Variants in ZBTB20 observed in about 807,000 individuals in gnomAD.
ZBTB20 encodes zinc finger and BTB domain-containing protein 20.
A neutral mutation model predicts 56.9 loss-of-function variants in ZBTB20; 9 were observed. That is an observed-to-expected ratio of 0.16 (90% confidence interval 0.10 to 0.28). The LOEUF (loss-of-function observed/expected upper bound fraction) is 0.28. Among genes scored for constraint, ZBTB20 ranks in the 10% least tolerant of loss-of-function variants. The pLI, the probability that ZBTB20 is intolerant of heterozygous loss-of-function variation, is 1.00. For synonymous variants in ZBTB20, 417 were observed against 420.7 expected (o/e 0.99, Z 0.11); for missense variants, 655 against 1,003.0 (o/e 0.65, Z 4.69).
chr3:115,018,038 T>G (rs1055379596), intron 2 of ZBTB20, among the ~76,000 whole-genome samples: 4 of 151,528 alleles, frequency 2.6e-5, no homozygotes, highest in Admixed American at 6.6e-5. Flanking sequence ...TTTGTTGTTG[T>G]TTTTTTAATC....
chr3:115,032,782 G>T (rs185933026), intron 2 of ZBTB20, among the ~76,000 whole-genome samples: 2 of 150,886 alleles, frequency 1.3e-5, no homozygotes, highest in East Asian at 1.9e-4. Flanking sequence ...GATCAAAAAA[G>T]AAATCACAAG....
chr3:114,993,601 T>A lies in ZBTB20; in HGVS notation c.-506-19185A>T, dbSNP rs555293806. Reference sequence around the variant, plus strand: ...AATGGAATAAAATAAGAAATTAAGATGAAAAGATAGATTAAAAAGCCCTAT... The same window carrying A: ...AATGGAATAAAATAAGAAATTAAGAAGAAAAGATAGATTAAAAAGCCCTAT... On this transcript the variant is annotated intron_variant, in intron 2 of 11. Transcript: ENST00000675478. Among the ~76,000 whole-genome samples, 5 of 151,594 alleles carry A rather than the reference T, an allele frequency of 3.3e-5. No homozygotes were observed. The South Asian group carries it at 1.0e-3, about 31-fold the overall frequency.
At chr3:114,488,757 T>C (rs1223616812) in intron 7 of ZBTB20, among the ~76,000 whole-genome samples, 2 of 152,222 alleles carry the variant, frequency 1.3e-5, no homozygotes, top group East Asian at 3.8e-4. Flanking sequence ...TACATATGCA[T>C]GTGCATATAA....
chr3:114,897,842 A>C (rs2074948906), intron 4 of ZBTB20, among the ~76,000 whole-genome samples: 1 of 152,112 alleles, frequency 6.6e-6, no homozygotes, highest in African/African-American at 2.4e-5. Flanking sequence ...GAGAAGCCTA[A>C]ACAAAAGGTT....
intron 4 of ZBTB20, among the ~76,000 whole-genome samples, chr3:114,870,658 G>A (rs188560440): frequency 5.9e-5 from 9 of 151,364 alleles, no homozygotes; most frequent in South Asian, 2.1e-4. Flanking sequence ...ACAGACACAC[G>A]CACACACCCC....
chr3:114,643,184 A>C (rs1024291059), intron 6 of ZBTB20, among the ~76,000 whole-genome samples: 1 of 152,074 alleles, frequency 6.6e-6, no homozygotes, highest in Admixed American at 6.6e-5. Context: ...ATGTAGTTGG[A>C]TACATTTGTA....
At chr3:114,455,170 C>A (rs971820915) in intron 7 of ZBTB20, among the ~76,000 whole-genome samples, 1 of 151,138 alleles carries the variant, frequency 6.6e-6, no homozygotes, top group Non-Finnish European at 1.5e-5. Flanking sequence ...GGAGAGAGAG[C>A]GCGAGAGGGA....
intron 6 of ZBTB20, among the ~76,000 whole-genome samples, chr3:114,553,321 A>G (rs1400919398): frequency 6.6e-6 from 1 of 152,198 alleles, no homozygotes; most frequent in African/African-American, 2.4e-5. Context: ...GCAATTTTGT[A>G]GAAAAAATAT....
intron 6 of ZBTB20, among the ~76,000 whole-genome samples, chr3:114,511,542 T>C (rs973917596): frequency 9.8e-5 from 15 of 152,294 alleles, no homozygotes; most frequent in Middle Eastern, 3.4e-3. Context: ...ATATGTCTTA[T>C]GTGAACTTTT....
intron 5 of ZBTB20, among the ~76,000 whole-genome samples, chr3:114,788,818 T>C (rs2070741185): frequency 6.6e-6 from 1 of 152,204 alleles, no homozygotes; most frequent in Admixed American, 6.5e-5. Flanking sequence ...TCCACATGGC[T>C]GGTGAGGCCT....
At chr3:114,654,345 A>C (rs933700503) in intron 6 of ZBTB20, among the ~76,000 whole-genome samples, 2 of 151,902 alleles carry the variant, frequency 1.3e-5, no homozygotes, top group Non-Finnish European at 2.9e-5. Flanking sequence ...GCATAACTTA[A>C]TTTAATTATT....
chr3:115,041,909 T>C (rs1355060850), intron 2 of ZBTB20, among the ~76,000 whole-genome samples: 3 of 152,204 alleles, frequency 2.0e-5, no homozygotes, highest in Non-Finnish European at 4.4e-5. Context: ...GCGGCTATAA[T>C]GAGCCTGCCT....
intron 6 of ZBTB20, among the ~76,000 whole-genome samples, chr3:114,502,552 G>T (rs545475018): frequency 6.6e-6 from 1 of 152,282 alleles, no homozygotes; most frequent in East Asian, 1.9e-4. Context: ...CAAAATTCAT[G>T]AGTTTAATGA....
intron 5 of ZBTB20, among the ~76,000 whole-genome samples, chr3:114,777,507 TG>T (rs970514282): frequency 6.6e-6 from 1 of 152,058 alleles, no homozygotes; most frequent in Non-Finnish European, 1.5e-5. Context: ...CTCATCATCA[TG>T]GGCCATCAGA....
At chr3:114,491,424 C>A (rs571063358) in intron 7 of ZBTB20, among the ~76,000 whole-genome samples, 1 of 152,322 alleles carries the variant, frequency 6.6e-6, no homozygotes, top group African/African-American at 2.4e-5. Context: ...TTCCTTAAAT[C>A]TCTTCCCCGC....
chr3:114,861,920 A>G (rs1040401070), intron 4 of ZBTB20: 1 of 152,220 alleles, frequency 6.6e-6, no homozygotes, highest in Non-Finnish European at 1.5e-5. Flanking sequence ...CTGGTGAATC[A>G]TAAGGTCTTA....
chr3:114,412,744 T>A lies in ZBTB20; in HGVS notation c.-254-23639A>T, dbSNP rs570883555. Among the ~76,000 whole-genome samples the A allele has an allele frequency of 7.2e-5, 11 of 152,300 alleles. No homozygotes were observed. In the South Asian group the frequency reaches 2.1e-3, roughly 29 times the overall value. On this transcript the variant is annotated intron_variant, in intron 7 of 11. Coordinates refer to ENST00000675478, the MANE Select transcript of ZBTB20 (RefSeq NM_001348800.3). ...ACCTAGACTTGATTCTGGTCACTTT[T>A]AGTGGAACAAATTGGCTCAGAAAAC...
chr3:114,715,924 G>A (rs1357565700), intron 5 of ZBTB20, among the ~76,000 whole-genome samples: 1 of 152,180 alleles, frequency 6.6e-6, no homozygotes, highest in African/African-American at 2.4e-5. Context: ...GCAACTAGAG[G>A]CTTTACACAA....
At chr3:114,516,000 A>G (rs928189910) in intron 6 of ZBTB20, among the ~76,000 whole-genome samples, 2 of 148,204 alleles carry the variant, frequency 1.3e-5, no homozygotes, top group Non-Finnish European at 3.0e-5. Flanking sequence ...TTTCTAATTA[A>G]ACAATTTTTT....
Sources: gnomAD v4.1 joint callset for allele counts (sites outside exome capture counted in the v4.1 genomes callset) on GRCh38, gnomAD v4.1.1 for gene constraint, MANE v1.5 for transcripts, NCBI Gene and HGNC (gene_info 2026-07-23, HGNC 2026-07-21) for gene names.